The following SART3 variants were observed in gnomAD, a reference collection of about 807,000 sequenced individuals.
SART3 encodes spliceosome associated factor 3, U4/U6 recycling protein.
SART3 carries 44 observed loss-of-function variants against 122.3 expected under a neutral mutation model. The ratio of observed to expected loss-of-function variants is 0.36; its 90% confidence interval spans 0.28 to 0.46. SART3 has a LOEUF of 0.46. Ranked by LOEUF, SART3 falls within the 20% of genes least tolerant of loss-of-function variation. SART3 has a pLI of 1.00. For missense variants in SART3, 1,101 were observed against 1,229.0 expected (o/e 0.90, Z 1.56); for synonymous variants, 442 against 454.0 (o/e 0.97, Z 0.34).
At chr12:108,546,683 C>G (rs769099365) in intron 3 of SART3, among the ~76,000 whole-genome samples, 1 of 151,976 alleles carries the variant, frequency 6.6e-6, no homozygotes, top group East Asian at 1.9e-4. Context: ...CCACCCCGCC[C>G]GGCTAATTGT....
At chr12:108,527,696 C>T (rs1872448704) in intron 15 of SART3, among the ~76,000 whole-genome samples, 1 of 152,232 alleles carries the variant, frequency 6.6e-6, no homozygotes, top group South Asian at 2.1e-4. Context: ...ATTCCCAGTT[C>T]TCTCTGGCTC....
rs1434292475 is a variant in SART3 at position 108,524,501 on chromosome 12, C to T, written c.2529G>A (p.Leu843=). 2 of 1,614,080 alleles carry T rather than the reference C, an allele frequency of 1.2e-6. No homozygotes were observed. The highest frequency in any genetic ancestry group is 1.7e-6 in the Non-Finnish European group (2 of 1,180,030). Residue 843 remains leucine (L), a synonymous_variant, in exon 18 of 19, where the codon CTG becomes CTA. Coordinates refer to ENST00000546815, the MANE Select transcript of SART3 (RefSeq NM_014706.4). ...ATTCATTTTCATACTCCACGTAGGC[C>T]AGGCCCTGGAAGAGGCAAGATCCAG... ...VTNRAGKPKG[L]AYVEYENESQ...
In SART3 at chr12:108,524,420, G is replaced by T; in HGVS notation, c.2610C>A (p.Ile870=). ...KMDGMTIKEN[I]IKVAISNPPQ... ...GAGGGTTGCTGATTGCCACTTTGATGATGTTCTCTTTGATAGTCATGCCGT... is the reference window on the plus strand; with the variant it reads ...GAGGGTTGCTGATTGCCACTTTGATTATGTTCTCTTTGATAGTCATGCCGT... The change falls in exon 18 of 19, where the codon ATC becomes ATA. Residue 870 remains isoleucine, a synonymous_variant. Coordinates refer to ENST00000546815, the MANE Select transcript of SART3 (RefSeq NM_014706.4). The T allele has an allele frequency of 2.5e-6, 4 of 1,614,080 alleles. No homozygotes were observed. Among genetic ancestry groups the T allele is most frequent in the Non-Finnish European group, 3.4e-6 (4 of 1,179,922 alleles).
intron 1 of SART3, among the ~76,000 whole-genome samples, chr12:108,559,435 G>A (rs1214773818): frequency 6.6e-6 from 1 of 152,162 alleles, no homozygotes; most frequent in African/African-American, 2.4e-5. Context: ...GGAGGCCAAG[G>A]TGGGTGGATC....
chr12:108,544,850 C>T, intron 4 of SART3: 1 of 572,162 alleles, frequency 1.7e-6, no homozygotes, highest in Admixed American at 3.0e-5. Flanking sequence ...CAAGCATGAG[C>T]CACCGCACTT....
intron 3 of SART3, 41 bp downstream of exon 3, chr12:108,547,846 T>G: frequency 6.5e-5 from 93 of 1,426,350 alleles, no homozygotes; most frequent in Non-Finnish European, 8.1e-5. Flanking sequence ...CTGATATATA[T>G]GACATTGCCA....
intron 15 of SART3, among the ~76,000 whole-genome samples, chr12:108,529,282 T>C (rs1872538050): frequency 6.6e-6 from 1 of 152,166 alleles, no homozygotes; most frequent in African/African-American, 2.4e-5. Flanking sequence ...CATAAATATG[T>C]GTACACATGC....
At position 108,530,029 on chromosome 12, in the gene SART3, G is replaced by A. The variant is rs1412247961; in HGVS notation, c.1915+113C>T. ...GACATACACCCTAACAGTGATCAAA[G>A]GGTAATGGGTATCAAGCTGGTAACG... On this transcript the variant is annotated intron_variant, in intron 15 of 18. Transcript: ENST00000546815. 2.5e-6 allele frequency: 3 copies of A among 1,208,094 alleles called. No individual in the cohort carries two copies. The South Asian group carries it at 3.6e-5, about 15-fold the overall frequency. 74.8% of individuals were successfully genotyped at this position (1,208,094 alleles called of 1,614,324 possible).
intron 1 of SART3, among the ~76,000 whole-genome samples, chr12:108,555,020 T>C (rs949678827): frequency 1.3e-5 from 2 of 152,222 alleles, no homozygotes; most frequent in Admixed American, 6.5e-5. Context: ...GTCAAATTCA[T>C]AGAGACAGAA....
At position 108,523,619 on chromosome 12, in the gene SART3, C is replaced by A; in HGVS notation, c.2730G>T (p.Arg910Ser). ...PQTYGARGKG[R>S]TQLSLLPRAL... ...CACGAGGCAGTAGAGACAGCTGCGT[C>A]CTTCCCTTCCCCCTCCTAAAAGAGC... The change falls in exon 19 of 19, where the codon AGG becomes AGT. Residue 910 changes from arginine (R) to serine (S), a missense_variant. Arg to Ser is a moderately radical substitution (Grantham distance 110). Transcript: ENST00000546815. The A allele has an allele frequency of 6.2e-7, 1 of 1,614,088 alleles. No individual in the cohort carries two copies. The highest frequency in any genetic ancestry group is 8.5e-7 in the Non-Finnish European group (1 of 1,179,996).
rs184667170 is a variant in SART3 at position 108,529,330 on chromosome 12, G to A, written c.1915+812C>T. On this transcript the variant is annotated intron_variant, in intron 15 of 18. Transcript: ENST00000546815. ...ACACACACACACACTCCCTACCCTC[G>A]ACCACTCAGGCCTCAGAACAATAAC... 2.9e-3 allele frequency among the ~76,000 whole-genome samples: 439 copies of A among 152,058 alleles called. 4 individuals carry two copies. The highest frequency in any genetic ancestry group is 0.02 in the Middle Eastern group (6 of 294).
chr12:108,534,177 T>C (rs1333457078), intron 12 of SART3, among the ~76,000 whole-genome samples: 1 of 152,226 alleles, frequency 6.6e-6, no homozygotes, highest in African/African-American at 2.4e-5. Context: ...GATAATTTGT[T>C]ATATTTAAAT....
chr12:108,523,724 T>G, intron 18 of SART3, 90 bp from the exon 19 acceptor site: 1 of 1,115,914 alleles, frequency 9.0e-7, no homozygotes, highest in South Asian at 1.3e-5. Context: ...AGTTTTAATA[T>G]AACCAGAAGT....
At chr12:108,527,957 G>A (rs1872468569) in intron 15 of SART3, among the ~76,000 whole-genome samples, 1 of 151,968 alleles carries the variant, frequency 6.6e-6, no homozygotes, top group Non-Finnish European at 1.5e-5. Context: ...GTAGAGGCAG[G>A]TTTTCACCAT....
chr12:108,523,724 T>A, intron 18 of SART3, 90 bp from the exon 19 acceptor site: 2 of 1,115,902 alleles, frequency 1.8e-6, no homozygotes, highest in Non-Finnish European at 1.3e-6. Context: ...AGTTTTAATA[T>A]AACCAGAAGT....
At chr12:108,529,342 C>T (rs548511408) in intron 15 of SART3, among the ~76,000 whole-genome samples, 229 of 152,308 alleles carry the variant, frequency 1.5e-3, no homozygotes, top group Middle Eastern at 3.4e-3. Flanking sequence ...CCACTCAGGC[C>T]TCAGAACAAT....
rs954991661 is a variant in SART3 at position 108,544,951 on chromosome 12, T to C, written c.729+188A>G. On this transcript the variant is annotated intron_variant, in intron 4 of 18. Coordinates refer to ENST00000546815, the MANE Select transcript of SART3 (RefSeq NM_014706.4). ...TTTATACGACCTCTTCCATACATATTGTACCAAATGCTAGAAGGGGTATAA... is the reference window on the plus strand; with the variant it reads ...TTTATACGACCTCTTCCATACATATCGTACCAAATGCTAGAAGGGGTATAA... The C allele has an allele frequency of 7.2e-6, 5 of 696,882 alleles. No homozygotes were observed. In the Admixed American group the frequency reaches 9.3e-5, roughly 13 times the overall value. The allele number at this position is 696,882 out of a possible 1,614,324, so 43.2% of individuals were successfully genotyped here. A position where few individuals can be genotyped will look rare whatever the true frequency, so the allele number is the denominator to read the frequency against.
intron 12 of SART3, chr12:108,532,556 G>A (rs1872725777): frequency 2.0e-6 from 1 of 494,580 alleles, no homozygotes. Context: ...CCATGTAGGG[G>A]CTACTGGAAA....
intron 1 of SART3, among the ~76,000 whole-genome samples, chr12:108,549,630 C>CT (rs1565866387): frequency 1.3e-5 from 2 of 152,154 alleles, no homozygotes; most frequent in African/African-American, 4.8e-5. Flanking sequence ...TTACACTGGT[C>CT]TTTAAGAAAA....
Sources: gnomAD v4.1 joint callset for allele counts (sites outside exome capture counted in the v4.1 genomes callset) on GRCh38, gnomAD v4.1.1 for gene constraint, MANE v1.5 for transcripts, NCBI Gene and HGNC (gene_info 2026-07-23, HGNC 2026-07-21) for gene names.